Variants in WDR41 observed in about 807,000 individuals in gnomAD.
WDR41 encodes WD repeat domain 41.
Under a neutral mutation model 69.3 loss-of-function variants are expected in WDR41, and 63 were observed. The ratio of observed to expected loss-of-function variants is 0.91; its 90% confidence interval spans 0.74 to 1.12. WDR41 has a LOEUF of 1.12. Among genes scored for constraint, WDR41 ranks in the 50% most tolerant of loss-of-function variants. The pLI is 0.00. For missense variants in WDR41, 543 were observed against 534.5 expected (o/e 1.02, Z -0.16); for synonymous variants, 185 against 192.1 (o/e 0.96, Z 0.31).
chr5:77,552,005 TAAAATAAAATA>T (rs1743307956), intron 1 of WDR41, among the ~76,000 whole-genome samples: 1 of 58,378 alleles, frequency 1.7e-5, no homozygotes, highest in Non-Finnish European at 3.4e-5. Context: ...TAAAATAAAA[TAAAATAAAATA>T]AAATAAAATA....
rs1463976028 is a variant in WDR41, at chr5:77,543,869, T to C, written c.43-54297A>G. ...CACATTGTCATCAGATTATCTAAAG[T>C]TAAGATGAAGAAAAAAATCTTAAGA... On this transcript the variant is annotated intron_variant, in intron 1 of 5. Coordinates refer to the WDR41 transcript ENST00000509971. Among the ~76,000 whole-genome samples the C allele has an allele frequency of 3.3e-5, 5 of 152,134 alleles. No homozygotes were observed. The East Asian group carries it at 9.7e-4, about 29-fold the overall frequency.
chr5:77,572,868 GT>G (rs1462468642), intron 1 of WDR41, among the ~76,000 whole-genome samples: 1 of 152,138 alleles, frequency 6.6e-6, no homozygotes, highest in African/African-American at 2.4e-5. Flanking sequence ...CATTAGATCA[GT>G]CTATCTTTCA....
At chr5:77,594,743 G>GA (rs1034900451) in intron 1 of WDR41, among the ~76,000 whole-genome samples, 2 of 151,738 alleles carry the variant, frequency 1.3e-5, no homozygotes, top group African/African-American at 4.8e-5. Flanking sequence ...AGCTACAGGG[G>GA]AAAAAAAGCT....
intron 1 of WDR41, among the ~76,000 whole-genome samples, chr5:77,611,335 C>G (rs1580052359): frequency 6.6e-6 from 1 of 152,362 alleles, no homozygotes; most frequent in East Asian, 1.9e-4. Context: ...CTCTCCACCC[C>G]AAATCAACAG....
chr5:77,598,203 T>A (rs1190094987), intron 1 of WDR41, among the ~76,000 whole-genome samples: 1 of 152,234 alleles, frequency 6.6e-6, no homozygotes, highest in Non-Finnish European at 1.5e-5. Flanking sequence ...TTCTATTCCA[T>A]CTACCTTTGA....
At chr5:77,569,379 A>G (rs1177008259) in intron 1 of WDR41, among the ~76,000 whole-genome samples, 2 of 152,178 alleles carry the variant, frequency 1.3e-5, no homozygotes, top group African/African-American at 4.8e-5. Flanking sequence ...ATTTTTTCCT[A>G]TGGAAACTCA....
intron 1 of WDR41, among the ~76,000 whole-genome samples, chr5:77,537,342 T>G (rs1259273096): frequency 1.3e-5 from 2 of 152,202 alleles, no homozygotes; most frequent in African/African-American, 2.4e-5. Flanking sequence ...AGGAGGGACA[T>G]GCCCATGCAG....
rs75822091 is a variant in WDR41, at chr5:77,568,933, T to C, written c.42+51546A>G. 2.1e-3 allele frequency among the ~76,000 whole-genome samples: 323 copies of C among 152,230 alleles called. 1 individual carries two copies. The highest frequency in any genetic ancestry group is 7.5e-3 in the African/African-American group (310 of 41,546). On this transcript the variant is annotated intron_variant, in intron 1 of 5. Coordinates refer to the WDR41 transcript ENST00000509971. ...AGAAGAGAAAATTGTTTTGTATTCA[T>C]TTCAGCAACAAGAGACTGCAGTGTC... is the stretch of plus-strand genomic sequence containing the variant.
Position 77,478,544 on chromosome 5 carries a change from C to T in WDR41, c.167+10913G>A, listed in dbSNP as rs1411788716. Among the ~76,000 whole-genome samples the T allele has an allele frequency of 3.9e-5, 6 of 152,242 alleles. No individual in the cohort carries two copies. In the East Asian group the frequency reaches 7.7e-4, roughly 20 times the overall value. ...ATATACGCAAATCAATAAATGTAAT[C>T]CATCATATAAACAGAACCAAAGACA... On this transcript the variant is annotated intron_variant, in intron 2 of 12. Coordinates refer to ENST00000296679, the MANE Select transcript of WDR41 (RefSeq NM_018268.4).
chr5:77,527,438 A>G (rs1262751717), intron 1 of WDR41, among the ~76,000 whole-genome samples: 1 of 151,936 alleles, frequency 6.6e-6, no homozygotes, highest in East Asian at 1.9e-4. Flanking sequence ...TTCATACAAA[A>G]GATATAATAA....
intron 1 of WDR41, among the ~76,000 whole-genome samples, chr5:77,563,776 A>C (rs996794953): frequency 6.6e-6 from 1 of 152,234 alleles, no homozygotes; most frequent in Non-Finnish European, 1.5e-5. Context: ...AAATAAAGTA[A>C]GAAATAGAAT....
At chr5:77,514,772 A>C (rs569963386) in intron 1 of WDR41, among the ~76,000 whole-genome samples, 1 of 152,342 alleles carries the variant, frequency 6.6e-6, no homozygotes, top group East Asian at 1.9e-4. Flanking sequence ...CTAGTCTACC[A>C]ATCCAGATAG....
chr5:77,553,183 GGTAATT>G (rs1352672819), intron 1 of WDR41, among the ~76,000 whole-genome samples: 9 of 152,108 alleles, frequency 5.9e-5, no homozygotes, highest in African/African-American at 1.9e-4. Context: ...CCTCAAACTG[GGTAATT>G]TATAAAGAAC....
chr5:77,531,389 AC>A (rs1201776143), intron 1 of WDR41, among the ~76,000 whole-genome samples: 2 of 152,068 alleles, frequency 1.3e-5, no homozygotes, highest in Non-Finnish European at 1.5e-5. Context: ...TAAATGGCCA[AC>A]AAGCACATGA....
At chr5:77,494,254 G>A (rs1801905202), upstream of WDR41, among the ~76,000 whole-genome samples, 4 of 151,872 alleles carry the variant, frequency 2.6e-5, no homozygotes, top group African/African-American at 9.7e-5. Context: ...TAGAGAAAAT[G>A]AGGTACAAAA....
At chr5:77,591,880 T>C (rs1355613484) in intron 1 of WDR41, among the ~76,000 whole-genome samples, 2 of 152,166 alleles carry the variant, frequency 1.3e-5, no homozygotes, top group African/African-American at 4.8e-5. Flanking sequence ...TAAATACTGA[T>C]TGTAATTATA....
rs145903747 is a variant in WDR41, at chr5:77,450,083, G to A, written c.587-213C>T. On this transcript the variant is annotated intron_variant, in intron 7 of 12. Coordinates refer to ENST00000296679, the MANE Select transcript of WDR41 (RefSeq NM_018268.4). ...ATCTACTAAAACCCATACTGAATGT[G>A]TCCTGAAGAACTCTCTTCCTTTACT... Among the ~76,000 whole-genome samples, 307 of 152,260 alleles carry A rather than the reference G, an allele frequency of 2.0e-3. 1 individual carries two copies. Among genetic ancestry groups the A allele is most frequent in the African/African-American group, 6.9e-3 (288 of 41,532 alleles).
Position 77,430,954 on chromosome 5 carries a change from T to A in WDR41, c.*2181A>T, listed in dbSNP as rs935584526. On this transcript the variant is annotated 3_prime_UTR_variant, in exon 13 of 13. Coordinates refer to ENST00000296679, the MANE Select transcript of WDR41 (RefSeq NM_018268.4). ...TGAATGAATTGCTGTAATCTCATGATCAAACTTTAATAGATGAGAAGTTGC... is the reference window on the plus strand; with the variant it reads ...TGAATGAATTGCTGTAATCTCATGAACAAACTTTAATAGATGAGAAGTTGC... 1 of 152,120 alleles carries A rather than the reference T, an allele frequency of 6.6e-6. No individual in the cohort carries two copies. Among genetic ancestry groups the A allele is most frequent in the African/African-American group, 2.4e-5 (1 of 41,432 alleles). 9.4% of individuals were successfully genotyped at this position (152,120 alleles called of 1,614,324 possible).
At chr5:77,591,138 T>G (rs1744130406) in intron 1 of WDR41, among the ~76,000 whole-genome samples, 2 of 152,136 alleles carry the variant, frequency 1.3e-5, no homozygotes, top group Admixed American at 1.3e-4. Context: ...TTCAAGCAAT[T>G]TTCACTTTTG....
Sources: allele counts gnomAD v4.1 joint callset (sites outside exome capture counted in the v4.1 genomes callset), GRCh38; gene constraint gnomAD v4.1.1; transcripts MANE v1.5; gene names NCBI Gene and HGNC (gene_info 2026-07-23, HGNC 2026-07-21).